The following CR1 variants were observed in gnomAD, a reference collection of about 807,000 sequenced individuals.
CR1 encodes the protein complement C3b/C4b receptor 1 (Knops blood group), also known as complement receptor type 1.
In CR1, 116 loss-of-function variants were observed where a neutral mutation model predicts 187.3. The ratio of observed to expected loss-of-function variants is 0.62; its 90% confidence interval spans 0.53 to 0.72. The LOEUF (loss-of-function observed/expected upper bound fraction) is 0.72, where lower values mean the gene tolerates loss of function less well. Ranked by LOEUF, CR1 falls within the 30% of genes least tolerant of loss-of-function variation. CR1 has a pLI of 0.00. For missense variants in CR1, 1,731 were observed against 2,110.7 expected (o/e 0.82, Z 3.52); for synonymous variants, 576 against 747.1 (o/e 0.77, Z 3.73).
chr1:207,617,507 A>ATATATATATATATATATT, intron 41 of CR1, among the ~76,000 whole-genome samples: 1 of 47,030 alleles, frequency 2.1e-5, no homozygotes. Flanking sequence ...ATATATATAT[A>ATATATATATATATATATT]TGTGTGTGTG....
At chr1:207,515,056 T>C (rs1287759449) in intron 4 of CR1, among the ~76,000 whole-genome samples, 1 of 147,952 alleles carries the variant, frequency 6.8e-6, no homozygotes, top group East Asian at 2.0e-4. Flanking sequence ...TATGTATATA[T>C]GTATATATAC....
intron 13 of CR1, among the ~76,000 whole-genome samples, chr1:207,544,792 C>T (rs1156891312): frequency 6.9e-6 from 1 of 144,162 alleles, no homozygotes; most frequent in South Asian, 2.2e-4. Flanking sequence ...TGTCAGGTGG[C>T]CGCTGAGAGA....
At chr1:207,598,332 A>G (rs538838011) in intron 35 of CR1, among the ~76,000 whole-genome samples, 1 of 152,344 alleles carries the variant, frequency 6.6e-6, no homozygotes, top group Non-Finnish European at 1.5e-5. Flanking sequence ...ACAGTATAAG[A>G]AAAATAAGAA....
At chr1:207,516,281 G>A (rs544274261) in intron 4 of CR1, among the ~76,000 whole-genome samples, 4 of 152,214 alleles carry the variant, frequency 2.6e-5, no homozygotes, top group East Asian at 3.9e-4. Flanking sequence ...AGTGCAATGC[G>A]ACACCACCAT....
chr1:207,523,495 G>C lies in CR1; in HGVS notation c.488-116G>C. ...TTTATAAAAATGTACCTATGTGTTA[G>C]CAAAGATTAAAAGCAAATAATGAAT... On this transcript the variant is annotated intron_variant, in intron 4 of 46. Coordinates refer to ENST00000367049, the MANE Select transcript of CR1 (RefSeq NM_000651.6). The C allele has an allele frequency of 5.3e-6, 8 of 1,514,776 alleles. No homozygotes were observed. In the Admixed American group the frequency reaches 1.6e-4, roughly 31 times the overall value. 93.8% of individuals were successfully genotyped at this position (1,514,776 alleles called of 1,614,324 possible). A position where few individuals can be genotyped will look rare whatever the true frequency, so the allele number is the denominator to read the frequency against.
intron 34 of CR1, among the ~76,000 whole-genome samples, 161 bp downstream of exon 34, chr1:207,587,726 C>T (rs184564656): frequency 2.6e-4 from 39 of 152,336 alleles, no homozygotes; most frequent in African/African-American, 9.1e-4. Context: ...TGGCCAAACC[C>T]CACGTCTACA....
chr1:207,572,401 A>G (rs915315308), intron 27 of CR1, among the ~76,000 whole-genome samples: 10 of 151,740 alleles, frequency 6.6e-5, no homozygotes, highest in Admixed American at 5.9e-4. Flanking sequence ...GCAGCCATCA[A>G]CCTTGAGGCA....
intron 3 of CR1, among the ~76,000 whole-genome samples, chr1:207,508,935 C>T (rs1393023802): frequency 6.6e-6 from 1 of 152,160 alleles, no homozygotes; most frequent in Non-Finnish European, 1.5e-5. Flanking sequence ...CTTATGTCCT[C>T]CACTTTGGAG....
intron 3 of CR1, among the ~76,000 whole-genome samples, chr1:207,510,663 T>C (rs1294553167): frequency 6.6e-6 from 1 of 152,176 alleles, no homozygotes; most frequent in African/African-American, 2.4e-5. Context: ...ATTTTAAGTA[T>C]AAAATGAGTG....
intron 35 of CR1, chr1:207,600,939 G>A (rs1661586867): frequency 6.6e-6 from 1 of 152,090 alleles, no homozygotes; most frequent in African/African-American, 2.4e-5. Flanking sequence ...CTGGGGTGCT[G>A]ATGCCAAAAC....
At chr1:207,508,203 T>C (rs1659504329) in intron 3 of CR1, among the ~76,000 whole-genome samples, 1 of 152,174 alleles carries the variant, frequency 6.6e-6, no homozygotes, top group African/African-American at 2.4e-5. Context: ...CTCTGTATGA[T>C]GCCATAACAG....
At chr1:207,578,514 T>C (rs1030052687) in intron 29 of CR1, among the ~76,000 whole-genome samples, 1 of 152,258 alleles carries the variant, frequency 6.6e-6, no homozygotes, top group Non-Finnish European at 1.5e-5. Flanking sequence ...ACTTTCTCTA[T>C]GATCAGCTAT....
Position 207,506,822 on chromosome 1 carries a change from G to A in CR1, c.401+9G>A, listed in dbSNP as rs914070520. 6.2e-7 allele frequency: 1 copy of A among 1,605,738 alleles called. No homozygotes were observed. Among genetic ancestry groups the A allele is most frequent in the Non-Finnish European group, 8.5e-7 (1 of 1,173,312 alleles). ...TATTCTTGTACTAAAGGGTGAGTTG[G>A]CATCTCTTGAACCAACATCTCTTGG... On this transcript the variant is annotated intron_variant, in intron 3 of 46. Coordinates refer to ENST00000367049, the MANE Select transcript of CR1 (RefSeq NM_000651.6).
chr1:207,636,137 T>C (rs948605107), intron 46 of CR1, among the ~76,000 whole-genome samples: 1 of 151,876 alleles, frequency 6.6e-6, no homozygotes, highest in Non-Finnish European at 1.5e-5. Context: ...TTGCTGTCTC[T>C]TTGGAGCTGT....
At chr1:207,577,415 AC>A in intron 28 of CR1, among the ~76,000 whole-genome samples, 1 of 152,372 alleles carries the variant, frequency 6.6e-6, no homozygotes, top group Non-Finnish European at 1.5e-5. Context: ...GTCAATATTT[AC>A]TTCTGGTAAT....
intron 27 of CR1, among the ~76,000 whole-genome samples, chr1:207,573,498 A>G (rs1746656): frequency 6.6e-6 from 1 of 151,838 alleles, no homozygotes; most frequent in Admixed American, 6.6e-5. Flanking sequence ...GCAGAAAACC[A>G]TTGAGCTTAT....
chr1:207,513,936 A>G (rs936845000), intron 4 of CR1, among the ~76,000 whole-genome samples: 6 of 152,052 alleles, frequency 3.9e-5, no homozygotes, highest in African/African-American at 1.2e-4. Flanking sequence ...AAAACATTTC[A>G]CCATTAAGCT....
chr1:207,588,914 C>T (rs1040758213), intron 35 of CR1, 140 bp downstream of exon 35: 15 of 612,266 alleles, frequency 2.4e-5, no homozygotes, highest in Middle Eastern at 4.0e-4. Context: ...GGAGATGATA[C>T]GTTGGACATA....
chr1:207,576,015 C>G (rs907298186), intron 28 of CR1, among the ~76,000 whole-genome samples: 6 of 152,172 alleles, frequency 3.9e-5, no homozygotes, highest in African/African-American at 9.7e-5. Context: ...GAAAGAAACC[C>G]CATATCCTCT....
Sources: gnomAD v4.1 joint callset for allele counts (sites outside exome capture counted in the v4.1 genomes callset) on GRCh38, gnomAD v4.1.1 for gene constraint, MANE v1.5 for transcripts, NCBI Gene and HGNC (gene_info 2026-07-23, HGNC 2026-07-21) for gene names.